The following HSPB7 variants were observed in gnomAD, a reference collection of about 807,000 sequenced individuals.
The protein encoded by HSPB7 is heat shock protein beta-7.
HSPB7 carries 9 observed loss-of-function variants against 11.0 expected under a neutral mutation model. The observed-to-expected ratio is 0.82, with a 90% CI of 0.49 to 1.43. The LOEUF is 1.43. HSPB7 is among the 40% of genes most tolerant of loss of function. The pLI is 0.00. For missense variants in HSPB7, 246 were observed against 243.9 expected (o/e 1.01, Z -0.06); for synonymous variants, 102 against 101.6 (o/e 1.00, Z -0.02).
rs777759238 is a variant in HSPB7 at position 16,017,977 on chromosome 1, C to T, written c.-14G>A. The T allele has an allele frequency of 7.4e-6, 12 of 1,612,672 alleles. No homozygotes were observed. Among genetic ancestry groups the T allele is most frequent in the African/African-American group, 1.3e-5 (1 of 74,940 alleles). The stretch of plus-strand genomic sequence containing the variant: ...TCTGTGGCTCATCCACGGACGGCGC[C>T]GGGCCCTGCCCAGGCGGGCGAGGGC... On this transcript the variant is annotated 5_prime_UTR_variant, in exon 1 of 3. Transcript: ENST00000311890.
Position 16,015,616 on chromosome 1 carries a change from G to T in HSPB7, c.477C>A (p.His159Gln). The change falls in exon 3 of 3, where the codon CAC becomes CAA. Residue 159 changes from histidine to glutamine, a missense_variant. By Grantham distance (24) the His-to-Gln change is conservative. Coordinates refer to ENST00000311890, the MANE Select transcript of HSPB7 (RefSeq NM_014424.5). The surrounding 1 kb of genome is among the most constrained non-coding windows in gnomAD (Gnocchi z 4.9). The stretch of plus-strand genomic sequence containing the variant: ...TCTCCGTCCGGAAGGTCTGCTGGAC[G>T]TGTTCTGTATGCGGGTGACGCCGTG... ...IRARRHPHTE[H>Q]VQQTFRTEIK... is the part of the protein sequence containing the mutation. 3.1e-6 allele frequency: 5 copies of T among 1,614,096 alleles called. No individual in the cohort carries two copies. Among genetic ancestry groups the T allele is most frequent in the Non-Finnish European group, 4.2e-6 (5 of 1,179,976 alleles).
At chr1:16,018,060 G>A (rs773107754), upstream of HSPB7, 412 of 1,598,304 alleles carry the variant, frequency 2.6e-4, no homozygotes, top group Non-Finnish European at 3.4e-4. Flanking sequence ...CTCCGACTGC[G>A]GCCGCTTTAT....
upstream of HSPB7, chr1:16,018,292 T>C: frequency 7.6e-7 from 1 of 1,324,096 alleles, no homozygotes; most frequent in Middle Eastern, 3.0e-4. Context: ...TCCTGTCTCC[T>C]TGCCACTCGG....
upstream of HSPB7, chr1:16,019,375 A>G: frequency 6.8e-7 from 1 of 1,478,340 alleles, no homozygotes; most frequent in Non-Finnish European, 9.3e-7. Flanking sequence ...GCAGTGTGAC[A>G]TAGTCTTCCT....
At position 16,017,056 on chromosome 1, in the gene HSPB7, AGGGGGTG is replaced by A. The variant is rs1208289570; in HGVS notation, c.333+11_333+17del. On this transcript the variant is annotated intron_variant, in intron 2 of 2. Transcript: ENST00000311890. ...GAGCAGAATTTGGGATGCGGTGAGTAGGGGGTGGGGGGCTCACCTTCTCAGCCCGCAC... is the reference window on the plus strand; with the variant it reads ...GAGCAGAATTTGGGATGCGGTGAGTAGGGGGCTCACCTTCTCAGCCCGCAC... The A allele has an allele frequency of 6.3e-7, 1 of 1,597,386 alleles. No homozygotes were observed. The highest frequency in any genetic ancestry group is 8.6e-7 in the Non-Finnish European group (1 of 1,166,534).
At chr1:16,019,239 C>G (rs1266572358), upstream of HSPB7, 2 of 1,549,116 alleles carry the variant, frequency 1.3e-6, no homozygotes, top group African/African-American at 1.4e-5. Context: ...TCCGTCCCTT[C>G]CGTCCCAGAT....
rs539624812 is a variant in HSPB7, at chr1:16,016,697, C to T, written c.333+377G>A. Among the ~76,000 whole-genome samples the T allele has an allele frequency of 1.5e-4, 23 of 152,148 alleles. No individual in the cohort carries two copies. The South Asian group carries it at 3.7e-3, about 25-fold the overall frequency. ...GGTGAGTTCCCCACCTACCCGCATC[C>T]GCCCCCCTATAGCTACCAGAGGAGC... On this transcript the variant is annotated intron_variant, in intron 2 of 2. Transcript: ENST00000311890.
chr1:16,017,187 T>C lies in HSPB7; in HGVS notation c.220A>G (p.Asn74Asp). 6.2e-7 allele frequency: 1 copy of C among 1,613,412 alleles called. No homozygotes were observed. Among genetic ancestry groups the C allele is most frequent in the Non-Finnish European group, 8.5e-7 (1 of 1,179,442 alleles). The change falls in exon 2 of 3, where the codon AAC becomes GAC. Residue 74 changes from asparagine to aspartate, a missense_variant. Coordinates refer to ENST00000311890, the MANE Select transcript of HSPB7 (RefSeq NM_014424.5). The stretch of plus-strand genomic sequence containing the variant: ...TAGGCGTCTCCTAGGGTCTTGATGT[T>C]GCCTGCCCCACCGGGGCGGGCTGTG... Reference protein sequence around the residue: ...AFPARPGGAGNIKTLGDAYEF... With the variant: ...AFPARPGGAGDIKTLGDAYEF...
rs577211747 is a variant in HSPB7 at position 16,015,837 on chromosome 1, C to G, written c.334-78G>C. The G allele has an allele frequency of 5.9e-6, 8 of 1,354,396 alleles. No homozygotes were observed. Among genetic ancestry groups the G allele is most frequent in the Admixed American group, 2.2e-5 (1 of 46,036 alleles). 83.9% of individuals were successfully genotyped at this position (1,354,396 alleles called of 1,614,324 possible). ...TGACAAGCCAGAGCCCTCTTCTCCC[C>G]ATTCTAACCCCAGCCAGACCCCACA... is the stretch of plus-strand genomic sequence containing the variant. On this transcript the variant is annotated intron_variant, in intron 2 of 2. Transcript: ENST00000311890. This position sits in a 1 kb window ranked among gnomAD's most constrained non-coding sequence, Gnocchi z 4.9.
rs1402849952 is a variant in HSPB7 at position 16,015,558 on chromosome 1, G to A, written c.*22C>T. 2.5e-6 allele frequency: 4 copies of A among 1,612,350 alleles called. No homozygotes were observed. Among genetic ancestry groups the A allele is most frequent in the Middle Eastern group, 1.7e-4 (1 of 6,058 alleles). On this transcript the variant is annotated 3_prime_UTR_variant, in exon 3 of 3. Transcript: ENST00000311890. The surrounding 1 kb of genome is among the most constrained non-coding windows in gnomAD (Gnocchi z 4.9). ...CTGGCAGGCGTGGGGCGGGGGGACA[G>A]GGAAAGGGAAGGGAGAGGCACTCAG...
At position 16,015,549 on chromosome 1, in the gene HSPB7, G is replaced by T. The variant is rs201960746; in HGVS notation, c.*31C>A. 6.2e-7 allele frequency: 1 copy of T among 1,603,532 alleles called. No individual in the cohort carries two copies. The highest frequency in any genetic ancestry group is 1.7e-5 in the Admixed American group (1 of 59,886). Reference sequence around the variant, plus strand: ...GAGGCTTTGCTGGCAGGCGTGGGGCGGGGGGACAGGGAAAGGGAAGGGAGA... The same window carrying T: ...GAGGCTTTGCTGGCAGGCGTGGGGCTGGGGGACAGGGAAAGGGAAGGGAGA... On this transcript the variant is annotated 3_prime_UTR_variant, in exon 3 of 3. Coordinates refer to ENST00000311890, the MANE Select transcript of HSPB7 (RefSeq NM_014424.5). The surrounding 1 kb of genome is among the most constrained non-coding windows in gnomAD (Gnocchi z 4.9).
At chr1:16,016,046 G>A (rs1389522798) in intron 2 of HSPB7, among the ~76,000 whole-genome samples, 4 of 152,230 alleles carry the variant, frequency 2.6e-5, no homozygotes, top group African/African-American at 9.6e-5. Context: ...CAGTGGCTCC[G>A]AATCTGGGGC....
upstream of HSPB7, chr1:16,019,271 C>G (rs1469864186): frequency 1.3e-6 from 2 of 1,493,496 alleles, no homozygotes; most frequent in African/African-American, 1.4e-5. Flanking sequence ...CCTCCTCCCC[C>G]AGGGAGGCCT....
In HSPB7 at chr1:16,017,061, G is replaced by A. The variant is rs1213561542; in HGVS notation, c.333+13C>T. ...GAATTTGGGATGCGGTGAGTAGGGGGTGGGGGGCTCACCTTCTCAGCCCGC... is the reference window on the plus strand; with the variant it reads ...GAATTTGGGATGCGGTGAGTAGGGGATGGGGGGCTCACCTTCTCAGCCCGC... On this transcript the variant is annotated intron_variant, in intron 2 of 2. Transcript: ENST00000311890. 1.9e-6 allele frequency: 3 copies of A among 1,602,506 alleles called. No homozygotes were observed. The highest frequency in any genetic ancestry group is 2.6e-6 in the Non-Finnish European group (3 of 1,170,388).
Position 16,017,215 on chromosome 1 carries a change from A to T in HSPB7, c.200-8T>A, listed in dbSNP as rs756871586. The T allele has an allele frequency of 6.8e-6, 11 of 1,612,120 alleles. No individual in the cohort carries two copies. The East Asian group carries it at 2.0e-4, about 29-fold the overall frequency. On this transcript the variant is annotated splice_polypyrimidine_tract_variant and splice_region_variant and intron_variant, in intron 1 of 2. Transcript: ENST00000311890. ...CTGCCCCACCGGGGCGGGCTGTGGG[A>T]TGGGCTGCTGTGAGCGAGGCATGGA... is the stretch of plus-strand genomic sequence containing the variant.
At chr1:16,016,975 T>C in intron 2 of HSPB7, 99 bp downstream of exon 2, 1 of 1,264,226 alleles carries the variant, frequency 7.9e-7, no homozygotes, top group Non-Finnish European at 1.1e-6. Flanking sequence ...GAAGGGACAC[T>C]GGCCAGGGTC....
At chr1:16,017,380 GT>G (rs1412150551) in intron 1 of HSPB7, 173 bp from the exon 2 acceptor site, 3 of 789,882 alleles carry the variant, frequency 3.8e-6, no homozygotes, top group East Asian at 5.2e-5. Context: ...TGGGGTGGGG[GT>G]GGGGCCTCAC....
intron 1 of HSPB7, chr1:16,017,540 G>C (rs1165032929): frequency 1.7e-6 from 1 of 593,490 alleles, no homozygotes; most frequent in Non-Finnish European, 2.9e-6. Context: ...GGTGGCCATG[G>C]AACCATGTCC....
chr1:16,015,754 C>T lies in HSPB7; in HGVS notation c.339G>A (p.Ala113=), dbSNP rs775935351. Residue 113 remains alanine (A), a synonymous_variant, in exon 3 of 3, where the codon GCG becomes GCA. Transcript: ENST00000311890. The surrounding 1 kb of genome is among the most constrained non-coding windows in gnomAD (Gnocchi z 4.9). ...NHIEVRAEKL[A]ADGTVMNTFA... is the part of the protein sequence containing the mutation. The stretch of plus-strand genomic sequence containing the variant: ...AGGTGTTCATGACAGTGCCGTCAGC[C>T]GCCAGCTGGGGAAGGGGTGACCCGT... 27 of 1,578,400 alleles carry T rather than the reference C, an allele frequency of 1.7e-5. No homozygotes were observed. The East Asian group carries it at 1.8e-4, about 11-fold the overall frequency.
Sources: gnomAD v4.1 joint callset for allele counts (sites outside exome capture counted in the v4.1 genomes callset) on GRCh38, gnomAD v4.1.1 for gene constraint, Gnocchi (gnomAD v3.1) non-coding constraint, MANE v1.5 for transcripts, NCBI Gene and HGNC (gene_info 2026-07-23, HGNC 2026-07-21) for gene names.